The following IL1RAPL2 variants were observed in gnomAD, a reference collection of about 807,000 sequenced individuals.
The protein encoded by IL1RAPL2 is X-linked interleukin-1 receptor accessory protein-like 2.
A neutral mutation model predicts 44.1 loss-of-function variants in IL1RAPL2; 3 were observed. The ratio of observed to expected loss-of-function variants is 0.07; its 90% confidence interval spans 0.03 to 0.18. The LOEUF is 0.18. Ranked by LOEUF, IL1RAPL2 falls within the 10% of genes least tolerant of loss-of-function variation. The probability of loss-of-function intolerance (pLI) is 1.00; values close to 1 mark genes in which losing one functional copy is unlikely to be tolerated. For missense variants in IL1RAPL2, 391 were observed against 496.4 expected, an observed-to-expected ratio of 0.79 and a Z score of 2.02; for synonymous variants, 181 against 178.8, an observed-to-expected ratio of 1.01 and a Z score of -0.10.
rs2034325371 is a variant in IL1RAPL2, at chrX:105,257,545, C to G, written c.544-9843C>G. ...AATACTCAGTGGGGTGTTGAAGTCT[C>G]CCACTATTATTGTGTTGGAGTCTAT... On this transcript the variant is annotated intron_variant, in intron 4 of 10. Coordinates refer to ENST00000372582, the MANE Select transcript of IL1RAPL2 (RefSeq NM_017416.2). 2.7e-5 allele frequency among the ~76,000 whole-genome samples: 3 copies of G among 111,993 alleles called. No individual in the cohort carries two copies. In the South Asian group the frequency reaches 1.1e-3, roughly 42 times the overall value.
chrX:105,021,543 C>T (rs1293307160), intron 2 of IL1RAPL2, among the ~76,000 whole-genome samples: 1 of 111,209 alleles, frequency 9.0e-6, no homozygotes. Context: ...TCCCAAAACA[C>T]CAGCCAGCAC....
intron 2 of IL1RAPL2, among the ~76,000 whole-genome samples, chrX:105,085,514 T>A (rs1310867145): frequency 1.8e-5 from 2 of 111,791 alleles, no homozygotes; most frequent in Non-Finnish European, 3.8e-5. Flanking sequence ...ATAAAAAAGG[T>A]GAAAGATAAA....
At chrX:104,754,704 C>A (rs187683600) in intron 2 of IL1RAPL2, among the ~76,000 whole-genome samples, 2 of 111,880 alleles carry the variant, frequency 1.8e-5, no homozygotes, top group Non-Finnish European at 3.8e-5. Context: ...GAAGTTAAAT[C>A]TTTCTGTATG....
At chrX:105,220,912 A>T (rs1459025092) in intron 3 of IL1RAPL2, among the ~76,000 whole-genome samples, 3 of 112,011 alleles carry the variant, frequency 2.7e-5, no homozygotes, top group African/African-American at 9.8e-5. Flanking sequence ...AAGTCAAAAA[A>T]GTCCCATGTA....
intron 5 of IL1RAPL2, chrX:105,407,153 T>A (rs2035652360): frequency 2.3e-5 from 8 of 354,547 alleles, no homozygotes; most frequent in Non-Finnish European, 3.1e-5. Context: ...GTAAGGAAAT[T>A]AAAAAAAAAA....
intron 2 of IL1RAPL2, among the ~76,000 whole-genome samples, chrX:104,750,686 A>G (rs1166190778): frequency 9.0e-6 from 1 of 111,085 alleles, no homozygotes; most frequent in Admixed American, 9.6e-5. Context: ...AGAGTTCCAA[A>G]GCCCCTAAAG....
At chrX:104,815,990 C>T (rs770802768) in intron 2 of IL1RAPL2, among the ~76,000 whole-genome samples, 9 of 111,220 alleles carry the variant, frequency 8.1e-5, no homozygotes, top group Non-Finnish European at 1.1e-4. Context: ...TAAAATATTT[C>T]ATTCCATGCT....
intron 2 of IL1RAPL2, among the ~76,000 whole-genome samples, chrX:105,144,017 A>T (rs183403468): frequency 5.7e-4 from 58 of 100,907 alleles, no homozygotes; most frequent in African/African-American, 1.4e-3. Context: ...TAAACAAAAT[A>T]AAAAAAAAAT....
chrX:104,704,591 ATCTTCT>A (rs1447679929), intron 2 of IL1RAPL2, among the ~76,000 whole-genome samples: 2 of 111,595 alleles, frequency 1.8e-5, no homozygotes, highest in African/African-American at 6.5e-5. Flanking sequence ...TACTCAGAAT[ATCTTCT>A]TAAAGAACGT....
At chrX:105,053,324 A>G (rs768540136) in intron 2 of IL1RAPL2, among the ~76,000 whole-genome samples, 2 of 111,488 alleles carry the variant, frequency 1.8e-5, no homozygotes, top group East Asian at 2.8e-4. Context: ...TACAACCCCA[A>G]ATTAATTGAA....
intron 5 of IL1RAPL2, 39 bp from the exon 6 acceptor site, chrX:105,484,274 C>G: frequency 1.0e-6 from 1 of 974,943 alleles, no homozygotes; most frequent in South Asian, 1.9e-5. Flanking sequence ...TGTAATTTAT[C>G]TCAATTTTTC....
At chrX:105,207,917 T>A (rs1442263726) in intron 3 of IL1RAPL2, among the ~76,000 whole-genome samples, 2 of 112,352 alleles carry the variant, frequency 1.8e-5, no homozygotes, top group Non-Finnish European at 3.8e-5. Flanking sequence ...TGATACGTGC[T>A]ATAGGAAAGA....
chrX:105,605,872 G>A (rs938690992), intron 6 of IL1RAPL2, among the ~76,000 whole-genome samples: 1 of 111,383 alleles, frequency 9.0e-6, no homozygotes, highest in Non-Finnish European at 1.9e-5. Context: ...TCAATAAATG[G>A]TGATGGAAAA....
At chrX:105,342,255 C>G (rs978940950) in intron 5 of IL1RAPL2, among the ~76,000 whole-genome samples, 23 of 109,992 alleles carry the variant, frequency 2.1e-4, no homozygotes, top group African/African-American at 7.3e-4. Context: ...CACATGTATA[C>G]ATATGTAACA....
At chrX:104,687,965 A>G (rs761094525) in intron 2 of IL1RAPL2, among the ~76,000 whole-genome samples, 9 of 111,597 alleles carry the variant, frequency 8.1e-5, no homozygotes, top group Admixed American at 2.9e-4. Context: ...ACTGTGCCAC[A>G]CTACTATTTT....
intron 2 of IL1RAPL2, among the ~76,000 whole-genome samples, chrX:104,828,975 C>T (rs1469364039): frequency 1.8e-5 from 2 of 112,294 alleles, no homozygotes; most frequent in Non-Finnish European, 3.8e-5. Flanking sequence ...AGACGCCCCT[C>T]CCCCAACCAA....
At chrX:104,621,721 T>A in intron 1 of IL1RAPL2, among the ~76,000 whole-genome samples, 1 of 110,691 alleles carries the variant, frequency 9.0e-6, no homozygotes. Context: ...AGGAGACAAA[T>A]TGATAATTTT....
At chrX:104,567,415 T>A (rs2147987233) in intron 1 of IL1RAPL2, among the ~76,000 whole-genome samples, 1 of 112,477 alleles carries the variant, frequency 8.9e-6, no homozygotes, top group South Asian at 3.7e-4. Context: ...ACTGCCCACA[T>A]TTCTGCCGCA....
chrX:104,894,021 T>G (rs943770241), intron 2 of IL1RAPL2, among the ~76,000 whole-genome samples: 3 of 111,509 alleles, frequency 2.7e-5, no homozygotes, highest in South Asian at 3.8e-4. Context: ...GTCTGTAAAG[T>G]ATTTTATTTC....
Sources: allele counts gnomAD v4.1 joint callset (sites outside exome capture counted in the v4.1 genomes callset), GRCh38; gene constraint gnomAD v4.1.1; transcripts MANE v1.5; gene names NCBI Gene and HGNC (gene_info 2026-07-23, HGNC 2026-07-21).